The following ZCWPW2 variants were observed in gnomAD, a reference collection of about 807,000 sequenced individuals.
ZCWPW2 encodes the protein zinc finger CW-type and PWWP domain containing 2, also known as zinc finger CW-type PWWP domain protein 2.
ZCWPW2 carries 45 observed loss-of-function variants against 46.6 expected under a neutral mutation model. The ratio of observed to expected loss-of-function variants is 0.96; its 90% confidence interval spans 0.76 to 1.24. ZCWPW2 has a LOEUF of 1.24. ZCWPW2 is among the 50% of genes most tolerant of loss of function. The pLI is 0.00. For synonymous variants in ZCWPW2, 152 were observed against 137.1 expected, an observed-to-expected ratio of 1.11 and a Z score of -0.76; for missense variants, 429 against 403.9, an observed-to-expected ratio of 1.06 and a Z score of -0.53.
At chr3:28,390,647 T>C in intron 2 of ZCWPW2, 30 bp downstream of exon 2, 1 of 985,424 alleles carries the variant, frequency 1.0e-6, no homozygotes. Context: ...CAAAATGTTT[T>C]TCTCTAGTAC....
At chr3:28,492,222 T>TGG in intron 6 of ZCWPW2, 49 bp downstream of exon 6, 1 of 1,472,212 alleles carries the variant, frequency 6.8e-7, no homozygotes, top group East Asian at 2.5e-5. Flanking sequence ...AAATTTCATT[T>TGG]AACACTATTC....
At chr3:28,473,250 T>C (rs936675437) in intron 4 of ZCWPW2, among the ~76,000 whole-genome samples, 4 of 152,090 alleles carry the variant, frequency 2.6e-5, no homozygotes, top group Non-Finnish European at 5.9e-5. Context: ...CCAAGGTGGT[T>C]GTATCACTTG....
chr3:28,364,046 T>C (rs1705034112), intron 1 of ZCWPW2, among the ~76,000 whole-genome samples: 1 of 152,196 alleles, frequency 6.6e-6, no homozygotes, highest in Admixed American at 6.5e-5. Context: ...CCATATTCAG[T>C]TAGTCATCTG....
chr3:28,470,928 C>T (rs1321532406), intron 4 of ZCWPW2, among the ~76,000 whole-genome samples: 2 of 151,956 alleles, frequency 1.3e-5, no homozygotes, highest in African/African-American at 4.8e-5. Flanking sequence ...GGAGACATTA[C>T]AATCAATACT....
chr3:28,475,472 TTTC>T (rs1439969157), intron 4 of ZCWPW2, among the ~76,000 whole-genome samples: 1 of 152,194 alleles, frequency 6.6e-6, no homozygotes, highest in Admixed American at 6.5e-5. Context: ...ATGAGAATGA[TTTC>T]TTTAAAAACA....
chr3:28,400,774 G>A (rs1436057395), intron 2 of ZCWPW2, among the ~76,000 whole-genome samples: 6 of 152,100 alleles, frequency 3.9e-5, no homozygotes, highest in South Asian at 2.1e-4. Flanking sequence ...TACCACTACA[G>A]GAACTGCTAA....
intron 4 of ZCWPW2, among the ~76,000 whole-genome samples, chr3:28,440,733 C>T (rs1463941333): frequency 3.3e-5 from 5 of 152,162 alleles, no homozygotes; most frequent in Non-Finnish European, 7.3e-5. Flanking sequence ...GGAGGCAATG[C>T]TGTGTGGAAT....
intron 1 of ZCWPW2, among the ~76,000 whole-genome samples, chr3:28,377,310 G>A (rs1034581459): frequency 4.6e-5 from 7 of 151,888 alleles, no homozygotes; most frequent in African/African-American, 9.6e-5. Flanking sequence ...TATTTGTGTC[G>A]TGATTCTTGA....
intron 3 of ZCWPW2, among the ~76,000 whole-genome samples, chr3:28,416,829 C>T (rs1452241904): frequency 2.6e-5 from 3 of 116,656 alleles, no homozygotes; most frequent in Non-Finnish European, 5.2e-5. Flanking sequence ...TATTGATTTT[C>T]GTATGTTGAA....
chr3:28,355,759 C>G (rs1302464749), intron 1 of ZCWPW2, among the ~76,000 whole-genome samples: 5 of 152,230 alleles, frequency 3.3e-5, no homozygotes, highest in African/African-American at 1.2e-4. Flanking sequence ...AAAGGATTCC[C>G]TATTTAATAA....
At chr3:28,450,745 G>T (rs1291569330) in intron 4 of ZCWPW2, among the ~76,000 whole-genome samples, 1 of 152,054 alleles carries the variant, frequency 6.6e-6, no homozygotes, top group Non-Finnish European at 1.5e-5. Flanking sequence ...GAACTATTTT[G>T]GGGGGTACCA....
intron 1 of ZCWPW2, among the ~76,000 whole-genome samples, chr3:28,389,943 C>G (rs1695420758): frequency 6.6e-6 from 1 of 152,164 alleles, no homozygotes; most frequent in East Asian, 1.9e-4. Flanking sequence ...AGTTAATCTG[C>G]TTTACTCAAA....
chr3:28,467,112 A>ACT (rs1698852786), intron 4 of ZCWPW2, among the ~76,000 whole-genome samples: 1 of 152,178 alleles, frequency 6.6e-6, no homozygotes, highest in Admixed American at 6.5e-5. Flanking sequence ...TAAACTCAAA[A>ACT]GTACTTGAAA....
chr3:28,441,968 C>T (rs1327069015), intron 4 of ZCWPW2, among the ~76,000 whole-genome samples: 2 of 152,278 alleles, frequency 1.3e-5, no homozygotes, highest in East Asian at 3.9e-4. Context: ...CTATTTGGGC[C>T]TGCCAAAGGC....
At position 28,521,111 on chromosome 3, in the gene ZCWPW2, G is replaced by T; in HGVS notation, c.904G>T (p.Glu302Ter). 1 of 1,599,634 alleles carries T rather than the reference G, an allele frequency of 6.3e-7. No homozygotes were observed. Among genetic ancestry groups the T allele is most frequent in the South Asian group, 1.1e-5 (1 of 88,012 alleles). ...EGHGEEINMG[E>*]KLSKCSPEAP... Reference sequence around the variant, plus strand: ...ACATGGAGAGGAAATAAATATGGGAGAAAAGGTAATATTGATAGTTATTTT... The same window carrying T: ...ACATGGAGAGGAAATAAATATGGGATAAAAGGTAATATTGATAGTTATTTT... Residue 302 changes from glutamate to a stop codon, truncating the protein, a stop_gained, in exon 9 of 10, where the codon GAA (glutamate) becomes TAA (stop). Transcript: ENST00000383768. LOFTEE classifies it high-confidence loss of function.
rs376113974 is a variant in ZCWPW2 at position 28,423,347 on chromosome 3, C to T, written c.332+9947C>T. ...TTAGATTTTGCTCCCAGCAGTTTCTCATCCTGTGAGCTATCTTTTTTTTTT... is the reference window on the plus strand; with the variant it reads ...TTAGATTTTGCTCCCAGCAGTTTCTTATCCTGTGAGCTATCTTTTTTTTTT... On this transcript the variant is annotated intron_variant, in intron 3 of 9. Coordinates refer to ENST00000383768, the MANE Select transcript of ZCWPW2 (RefSeq NM_001040432.4). Among the ~76,000 whole-genome samples, 11 of 148,796 alleles carry T rather than the reference C, an allele frequency of 7.4e-5. No homozygotes were observed. The East Asian group carries it at 2.0e-3, about 27-fold the overall frequency.
chr3:28,514,123 G>C lies in ZCWPW2; in HGVS notation c.716+1G>C. 1.4e-6 allele frequency: 2 copies of C among 1,469,830 alleles called. No homozygotes were observed. The highest frequency in any genetic ancestry group is 1.9e-6 in the Non-Finnish European group (2 of 1,075,450). The allele number at this position is 1,469,830 out of a possible 1,614,324, so 91.0% of individuals were successfully genotyped here. A position where few individuals can be genotyped will look rare whatever the true frequency, so the allele number is the denominator to read the frequency against. On this transcript the variant is annotated splice_donor_variant, in intron 7 of 9. Transcript: ENST00000383768. LOFTEE classifies it high-confidence loss of function. The stretch of plus-strand genomic sequence containing the variant: ...AGCCCAAATTTAGAAAAAGGAAAAG[G>C]TATGCTTTTTGAAATTAAATAGTAT...
intron 1 of ZCWPW2, among the ~76,000 whole-genome samples, chr3:28,350,475 G>A (rs1024110793): frequency 2.6e-5 from 4 of 152,190 alleles, no homozygotes; most frequent in Non-Finnish European, 5.9e-5. Flanking sequence ...ACACTACACA[G>A]TGGGTTTATT....
chr3:28,495,672 CTT>C (rs919492957), intron 6 of ZCWPW2, among the ~76,000 whole-genome samples: 3 of 151,538 alleles, frequency 2.0e-5, no homozygotes, highest in Non-Finnish European at 4.4e-5. Context: ...TTTAATATGT[CTT>C]TGTTTTTTAT....
Sources: allele counts gnomAD v4.1 joint callset (sites outside exome capture counted in the v4.1 genomes callset), GRCh38; gene constraint gnomAD v4.1.1; transcripts MANE v1.5; gene names NCBI Gene and HGNC (gene_info 2026-07-23, HGNC 2026-07-21).